PCGF5: variants seen among roughly 807,000 people sequenced by gnomAD.
PCGF5 encodes the protein polycomb group ring finger 5.
In PCGF5, 9 loss-of-function variants were observed where a neutral mutation model predicts 44.3. The ratio of observed to expected loss-of-function variants is 0.20; its 90% CI spans 0.12 to 0.35. The LOEUF (loss-of-function observed/expected upper bound fraction) is 0.35. Ranked by LOEUF, PCGF5 falls within the 10% of genes least tolerant of loss-of-function variation. The pLI, the probability that PCGF5 is intolerant of heterozygous loss-of-function variation, is 1.00. For missense variants in PCGF5, 146 were observed against 305.3 expected (o/e 0.48, Z 3.89); for synonymous variants, 95 against 102.5 (o/e 0.93, Z 0.44).
chr10:91,186,926 A>G (rs1564628299), intron 1 of PCGF5, among the ~76,000 whole-genome samples: 1 of 152,200 alleles, frequency 6.6e-6, no homozygotes, highest in African/African-American at 2.4e-5. Flanking sequence ...TGCCCACACA[A>G]TGCAAGACCA....
In PCGF5 at chr10:91,229,676, A is replaced by G. The variant is rs757941568; in HGVS notation, c.112+6693A>G. The stretch of plus-strand genomic sequence containing the variant: ...ATAAAATAAACCTGTTTTCATGACT[A>G]TGTAACTGTTGTGTACCCAATACTG... On this transcript the variant is annotated intron_variant, in intron 2 of 9. Transcript: ENST00000336126. Among the ~76,000 whole-genome samples the G allele has an allele frequency of 1.3e-4, 20 of 152,172 alleles. No homozygotes were observed. The East Asian group carries it at 1.3e-3, about 10-fold the overall frequency.
At chr10:91,262,457 C>T (rs1441815421) in intron 7 of PCGF5, among the ~76,000 whole-genome samples, 1 of 151,926 alleles carries the variant, frequency 6.6e-6, no homozygotes, top group African/African-American at 2.4e-5. Context: ...AAATTAAAGA[C>T]CAGGACTAGT....
chr10:91,235,941 A>G (rs1845150781), intron 2 of PCGF5, among the ~76,000 whole-genome samples: 1 of 151,974 alleles, frequency 6.6e-6, no homozygotes, highest in Non-Finnish European at 1.5e-5. Flanking sequence ...AGACTAATAC[A>G]GTGGCCCATG....
chr10:91,167,496 C>A (rs59986921), intron 1 of PCGF5, among the ~76,000 whole-genome samples: 6,240 of 152,254 alleles, frequency 0.041, 418 homozygotes, highest in African/African-American at 0.14. Flanking sequence ...ATTGAGACGA[C>A]TTCAATCGGC....
At chr10:91,221,840 G>GT (rs1373140604) in intron 1 of PCGF5, among the ~76,000 whole-genome samples, 1 of 151,978 alleles carries the variant, frequency 6.6e-6, no homozygotes, top group Non-Finnish European at 1.5e-5. Flanking sequence ...AAGAATGAAC[G>GT]TAACTATAAA....
At chr10:91,163,831 CGGGGTGGT>C (rs1016980189) in intron 1 of PCGF5, among the ~76,000 whole-genome samples, 1 of 104,834 alleles carries the variant, frequency 9.5e-6, no homozygotes, top group Admixed American at 1.1e-4. Flanking sequence ...GCGCGCGTGC[CGGGGTGGT>C]GGGGTGGGGG....
intron 2 of PCGF5, among the ~76,000 whole-genome samples, chr10:91,229,381 A>G (rs1241074513): frequency 6.6e-6 from 1 of 152,222 alleles, no homozygotes; most frequent in Non-Finnish European, 1.5e-5. Context: ...GGAAGTGGCC[A>G]TCTGAGCAGG....
At chr10:91,213,803 G>A (rs1301495703) in intron 1 of PCGF5, among the ~76,000 whole-genome samples, 1 of 151,264 alleles carries the variant, frequency 6.6e-6, no homozygotes, top group Non-Finnish European at 1.5e-5. Context: ...ATTTTAATGT[G>A]CCACATTAAG....
At position 91,202,450 on chromosome 10, in the gene PCGF5, A is replaced by T. The variant is rs544056077; in HGVS notation, c.-183-20239A>T. 1.4e-3 allele frequency among the ~76,000 whole-genome samples: 211 copies of T among 152,372 alleles called. 1 individual carries two copies. The highest frequency in any genetic ancestry group is 4.6e-3 in the African/African-American group (192 of 41,592). On this transcript the variant is annotated intron_variant, in intron 1 of 9. Transcript: ENST00000614189. ...TATTCTTCTGAAAAATGAGGCAAATAATACAAAGTAGTTAACAGGATTGTT... is the reference window on the plus strand; with the variant it reads ...TATTCTTCTGAAAAATGAGGCAAATTATACAAAGTAGTTAACAGGATTGTT...
At chr10:91,177,220 G>A (rs1018276937) in intron 1 of PCGF5, among the ~76,000 whole-genome samples, 15 of 152,226 alleles carry the variant, frequency 9.9e-5, no homozygotes, top group African/African-American at 3.4e-4. Flanking sequence ...GCAGAACAGC[G>A]AATATTGGTG....
At chr10:91,202,968 G>A (rs1311298288) in intron 1 of PCGF5, among the ~76,000 whole-genome samples, 1 of 152,068 alleles carries the variant, frequency 6.6e-6, no homozygotes, top group Non-Finnish European at 1.5e-5. Context: ...AACAATACAG[G>A]GTAAGCAGCA....
intron 8 of PCGF5, 135 bp from the exon 9 acceptor site, chr10:91,271,503 T>A (rs1846181797): frequency 1.6e-6 from 1 of 627,178 alleles, no homozygotes; most frequent in Non-Finnish European, 2.6e-6. Flanking sequence ...ACAACCACCA[T>A]TTTTTTGGAA....
chr10:91,192,998 A>C (rs1313362100), intron 1 of PCGF5, among the ~76,000 whole-genome samples: 1 of 152,230 alleles, frequency 6.6e-6, no homozygotes, highest in Non-Finnish European at 1.5e-5. Context: ...CAATCTAATC[A>C]ATAAGCCCTT....
intron 2 of PCGF5, chr10:91,227,611 A>C (rs1196501784): frequency 8.7e-7 from 1 of 1,150,782 alleles, no homozygotes; most frequent in Non-Finnish European, 1.1e-6. Flanking sequence ...GCACATTCTT[A>C]ACTGTGTCCA....
chr10:91,262,402 T>G (rs1845945322), intron 7 of PCGF5, among the ~76,000 whole-genome samples: 1 of 152,042 alleles, frequency 6.6e-6, no homozygotes, highest in Non-Finnish European at 1.5e-5. Context: ...CACTCCAGCC[T>G]GGGCGACAGA....
chr10:91,258,547 A>G (rs188033341), intron 6 of PCGF5, among the ~76,000 whole-genome samples: 1 of 152,106 alleles, frequency 6.6e-6, no homozygotes, highest in Non-Finnish European at 1.5e-5. Flanking sequence ...ACACCCTTAT[A>G]TTCTTCTCTG....
intron 1 of PCGF5, among the ~76,000 whole-genome samples, chr10:91,177,013 T>C (rs1843719028): frequency 6.6e-6 from 1 of 152,250 alleles, no homozygotes; most frequent in African/African-American, 2.4e-5. Flanking sequence ...TTTTCTGCTC[T>C]GTTTTTTCCC....
chr10:91,240,932 T>A (rs1295555967), intron 3 of PCGF5, among the ~76,000 whole-genome samples: 1 of 151,456 alleles, frequency 6.6e-6, no homozygotes, highest in Middle Eastern at 3.2e-3. Flanking sequence ...ATTAGGACTG[T>A]TAATTTTTTA....
At chr10:91,247,069 C>T (rs1336710945) in intron 3 of PCGF5, among the ~76,000 whole-genome samples, 1 of 151,590 alleles carries the variant, frequency 6.6e-6, no homozygotes, top group East Asian at 1.9e-4. Context: ...ATGAAATCCA[C>T]AAGGAAGACA....
Sources: allele counts gnomAD v4.1 joint callset (sites outside exome capture counted in the v4.1 genomes callset), GRCh38; gene constraint gnomAD v4.1.1; transcripts MANE v1.5; gene names NCBI Gene and HGNC (gene_info 2026-07-23, HGNC 2026-07-21).